PTBP2: variants seen among roughly 807,000 people sequenced by gnomAD.
The protein encoded by PTBP2 is polypyrimidine tract-binding protein 2.
PTBP2 carries 13 observed loss-of-function variants against 61.4 expected under a neutral mutation model. The observed-to-expected ratio is 0.21, with a 90% CI of 0.14 to 0.34. PTBP2 has a LOEUF of 0.34. Among genes scored for constraint, PTBP2 ranks in the 10% least tolerant of loss-of-function variants. The pLI, the probability that PTBP2 is intolerant of heterozygous loss-of-function variation, is 1.00. For synonymous variants in PTBP2, 215 were observed against 218.5 expected (o/e 0.98, Z 0.14); for missense variants, 405 against 642.6 (o/e 0.63, Z 4.00).
rs138261848 is a variant in PTBP2, at chr1:96,770,795, A to G, written c.376A>G (p.Ile126Val). 1.1e-5 allele frequency: 18 copies of G among 1,589,910 alleles called. No individual in the cohort carries two copies. The African/African-American group carries it at 2.4e-4, about 21-fold the overall frequency. Residue 126 changes from isoleucine to valine, a missense_variant, in exon 5 of 14, where the codon ATA becomes GTA. Around this residue, in one of 4 missense-constraint regions of PTBP2, gnomAD observed 342 missense variants for 491.2 expected, o/e 0.70. Transcript: ENST00000674951. ...GACACCTCATCTTCGTAACCAACCA[A>G]TATATATCCAGTACTCGAATCACAA... ...AVTPHLRNQP[I>V]YIQYSNHKEL... is the part of the protein sequence containing the mutation.
At chr1:96,742,776 A>G (rs960145865) in intron 2 of PTBP2, among the ~76,000 whole-genome samples, 1 of 151,110 alleles carries the variant, frequency 6.6e-6, no homozygotes, top group Non-Finnish European at 1.5e-5. Flanking sequence ...TTTCTGTTGG[A>G]TAATATTAAT....
At chr1:96,726,936 T>G (rs1057018647) in intron 2 of PTBP2, among the ~76,000 whole-genome samples, 4 of 152,138 alleles carry the variant, frequency 2.6e-5, no homozygotes, top group African/African-American at 9.7e-5. Context: ...TGACATAAAA[T>G]AAACTACCCA....
At chr1:96,778,013 A>ATG in intron 7 of PTBP2, 67 bp downstream of exon 7, 1 of 771,418 alleles carries the variant, frequency 1.3e-6, no homozygotes, top group South Asian at 2.3e-5. Context: ...ATATATATAT[A>ATG]TGTATGTATA....
chr1:96,746,061 A>G (rs1402521446), intron 2 of PTBP2, among the ~76,000 whole-genome samples: 1 of 141,950 alleles, frequency 7.0e-6, no homozygotes, highest in East Asian at 2.2e-4. Flanking sequence ...CTGAGACTCC[A>G]TCTCAAAAAC....
At chr1:96,789,725 T>A (rs181544758) in intron 8 of PTBP2, among the ~76,000 whole-genome samples, 15 of 152,276 alleles carry the variant, frequency 9.9e-5, no homozygotes, top group African/African-American at 3.1e-4. Flanking sequence ...TTTGCTAATA[T>A]AATGAATCCC....
At chr1:96,784,502 G>A (rs1659017798) in intron 7 of PTBP2, among the ~76,000 whole-genome samples, 1 of 152,038 alleles carries the variant, frequency 6.6e-6, no homozygotes, top group Non-Finnish European at 1.5e-5. Context: ...AATCTGATTG[G>A]GGGTGAACAT....
chr1:96,784,399 A>G (rs1440243498), intron 7 of PTBP2, among the ~76,000 whole-genome samples: 1 of 152,122 alleles, frequency 6.6e-6, no homozygotes, highest in East Asian at 1.9e-4. Flanking sequence ...GATGACCGAA[A>G]AGAGTCTAGG....
rs559239675 is a variant in PTBP2 at position 96,808,313 on chromosome 1, C to G, written c.1171+1355C>G. Among the ~76,000 whole-genome samples the G allele has an allele frequency of 3.0e-4, 45 of 152,112 alleles. 1 individual carries two copies. The South Asian group carries it at 6.0e-3, about 20-fold the overall frequency. On this transcript the variant is annotated intron_variant, in intron 11 of 13. Transcript: ENST00000674951. ...GTTTTGAGAAATAAAACTTTGGGGT[C>G]TAGAAGTCCCAGATGAAACTGCTAG...
At chr1:96,742,534 A>C (rs1457760406) in intron 2 of PTBP2, among the ~76,000 whole-genome samples, 1 of 152,092 alleles carries the variant, frequency 6.6e-6, no homozygotes, top group Non-Finnish European at 1.5e-5. Flanking sequence ...TTTTCAAAGA[A>C]CCAACCTTTT....
intron 5 of PTBP2, among the ~76,000 whole-genome samples, chr1:96,772,581 C>T (rs142851941): frequency 1.6e-3 from 245 of 152,282 alleles, no homozygotes; most frequent in African/African-American, 5.5e-3. Context: ...TCACTCCTCC[C>T]TCCCCCAGCC....
chr1:96,793,888 GA>G (rs936549849), intron 8 of PTBP2, among the ~76,000 whole-genome samples: 1 of 151,864 alleles, frequency 6.6e-6, no homozygotes, highest in African/African-American at 2.4e-5. Context: ...CTACAGATGA[GA>G]AAAAAATGTT....
At chr1:96,778,368 A>G (rs1372448360) in intron 7 of PTBP2, among the ~76,000 whole-genome samples, 2 of 141,384 alleles carry the variant, frequency 1.4e-5, no homozygotes, top group East Asian at 4.3e-4. Flanking sequence ...ATTTAAAACT[A>G]TATATTCTCT....
At chr1:96,796,715 A>T (rs568967583) in intron 8 of PTBP2, among the ~76,000 whole-genome samples, 1 of 152,272 alleles carries the variant, frequency 6.6e-6, no homozygotes, top group East Asian at 1.9e-4. Flanking sequence ...ACATTAAAGG[A>T]ATAGTAGCAA....
chr1:96,771,959 A>G (rs1311903015), intron 5 of PTBP2, among the ~76,000 whole-genome samples: 1 of 152,194 alleles, frequency 6.6e-6, no homozygotes, highest in Admixed American at 6.5e-5. Context: ...CAATCAACAC[A>G]GAAGGCTTCT....
downstream of PTBP2, chr1:96,818,492 G>T (rs1662563468): frequency 6.6e-6 from 1 of 151,932 alleles, no homozygotes; most frequent in South Asian, 2.1e-4. Flanking sequence ...AGCCTAGCTG[G>T]TCAATACTAC....
chr1:96,767,280 G>T (rs531018245), intron 3 of PTBP2, among the ~76,000 whole-genome samples: 1 of 152,176 alleles, frequency 6.6e-6, no homozygotes, highest in South Asian at 2.1e-4. Context: ...GTTTAGGCAG[G>T]CTTTTGCCTT....
chr1:96,820,309 A>AT (rs1274013899), exon 14 of PTBP2: 1 of 152,058 alleles, frequency 6.6e-6, no homozygotes, highest in Non-Finnish European at 1.5e-5. Context: ...GACATTTGCC[A>AT]TGTACATTGT....
chr1:96,767,758 G>A (rs572769682), intron 3 of PTBP2, among the ~76,000 whole-genome samples: 1 of 152,196 alleles, frequency 6.6e-6, no homozygotes, highest in South Asian at 2.1e-4. Flanking sequence ...ACTACAAAAT[G>A]CAAAGTTCAG....
downstream of PTBP2, chr1:96,818,136 TTC>T (rs935671012): frequency 2.0e-5 from 3 of 152,102 alleles, no homozygotes; most frequent in Non-Finnish European, 4.4e-5. Context: ...CGTTTTGCAC[TTC>T]TCTCGCTTTT....
Sources: allele counts gnomAD v4.1 joint callset (sites outside exome capture counted in the v4.1 genomes callset), GRCh38; gene constraint gnomAD v4.1.1; regional missense constraint gnomAD v4.1.1; transcripts MANE v1.5; gene names NCBI Gene and HGNC (gene_info 2026-07-23, HGNC 2026-07-21).